NEXMIF: variants seen among roughly 807,000 people sequenced by gnomAD.
NEXMIF encodes XLMR protein related to neurite extension.
A neutral mutation model predicts 62.1 loss-of-function variants in NEXMIF; 8 were observed. That is an observed-to-expected ratio of 0.13 (90% CI 0.08 to 0.23). The LOEUF is 0.23. Among genes scored for constraint, NEXMIF ranks in the 10% least tolerant of loss-of-function variants. The probability of loss-of-function intolerance (pLI) is 1.00; values close to 1 mark genes in which losing one functional copy is unlikely to be tolerated. For synonymous variants in NEXMIF, 404 were observed against 416.6 expected (o/e 0.97, Z 0.37); for missense variants, 976 against 1,113.3 (o/e 0.88, Z 1.75).
intron 1 of NEXMIF, among the ~76,000 whole-genome samples, chrX:74,878,465 A>G (rs1206529576): frequency 8.9e-6 from 1 of 112,673 alleles, no homozygotes; most frequent in Non-Finnish European, 1.9e-5. Flanking sequence ...CTGCCCCCAG[A>G]GGTGGAGCCT....
rs2080088007 is a variant in NEXMIF, at chrX:74,737,315, A to G, written c.*2090T>C. The stretch of plus-strand genomic sequence containing the variant: ...AGGGACTGGCCATAGCATTTAGTAC[A>G]GCTAGCTATCAGAATAGAGAAATAG... On this transcript the variant is annotated 3_prime_UTR_variant, in exon 4 of 4. Transcript: ENST00000055682. 1 of 111,815 alleles carries G rather than the reference A, an allele frequency of 8.9e-6. No individual in the cohort carries two copies. Among genetic ancestry groups the G allele is most frequent in the Admixed American group, 9.5e-5 (1 of 10,482 alleles). The allele number at this position is 111,815 out of a possible 1,213,427, so 9.2% of individuals were successfully genotyped here.
intron 1 of NEXMIF, among the ~76,000 whole-genome samples, chrX:74,843,291 C>T (rs1200393526): frequency 9.0e-6 from 1 of 111,581 alleles, no homozygotes; most frequent in Non-Finnish European, 1.9e-5. Context: ...AGGATTGCAA[C>T]CCTTGTTTTT....
intron 1 of NEXMIF, among the ~76,000 whole-genome samples, chrX:74,869,642 C>T (rs981733439): frequency 2.7e-5 from 3 of 112,052 alleles, no homozygotes; most frequent in South Asian, 7.3e-4. Context: ...ATGCTATCAA[C>T]ATGCAGAAAT....
At chrX:74,825,310 T>C (rs1238023459) in intron 1 of NEXMIF, among the ~76,000 whole-genome samples, 1 of 111,529 alleles carries the variant, frequency 9.0e-6, no homozygotes, top group African/African-American at 3.3e-5. Context: ...GGGGTTGCGT[T>C]GTACAGTTTA....
chrX:74,873,813 T>A (rs1266277782), intron 1 of NEXMIF, among the ~76,000 whole-genome samples: 2 of 112,100 alleles, frequency 1.8e-5, no homozygotes, highest in Non-Finnish European at 3.8e-5. Flanking sequence ...TCTGTTCATG[T>A]CCTTCACCCA....
At chrX:74,789,625 C>T (rs1035346402) in intron 1 of NEXMIF, among the ~76,000 whole-genome samples, 2 of 110,924 alleles carry the variant, frequency 1.8e-5, no homozygotes, top group African/African-American at 3.3e-5. Flanking sequence ...TCCACATCCT[C>T]TCCAGCACCT....
chrX:74,857,749 T>C (rs2080540570), intron 1 of NEXMIF, among the ~76,000 whole-genome samples: 1 of 112,132 alleles, frequency 8.9e-6, no homozygotes, highest in South Asian at 3.7e-4. Flanking sequence ...ATGGCATTTC[T>C]GGACCTGCCC....
rs762023372 is a variant in NEXMIF at position 74,862,894 on chromosome X, G to A, written c.-48+61989C>T. Among the ~76,000 whole-genome samples, 12 of 111,405 alleles carry A rather than the reference G, an allele frequency of 1.1e-4. No homozygotes were observed. The East Asian group carries it at 3.4e-3, about 31-fold the overall frequency. On this transcript the variant is annotated intron_variant, in intron 1 of 3. Transcript: ENST00000055682. Reference sequence around the variant, plus strand: ...CCCATATGAAAAAGCTAGAAAGCCAGGCACAGTGGCTCATGCCTGTAATCC... The same window carrying A: ...CCCATATGAAAAAGCTAGAAAGCCAAGCACAGTGGCTCATGCCTGTAATCC...
At chrX:74,886,374 T>C (rs768184754) in intron 1 of NEXMIF, among the ~76,000 whole-genome samples, 9 of 111,713 alleles carry the variant, frequency 8.1e-5, no homozygotes, top group African/African-American at 2.6e-4. Flanking sequence ...TGTTTGCAGA[T>C]GACATGATTG....
rs374519513 is a variant in NEXMIF at position 74,921,529 on chromosome X, T to G, written c.-48+3354A>C. Among the ~76,000 whole-genome samples, 6 of 111,907 alleles carry G rather than the reference T, an allele frequency of 5.4e-5. No homozygotes were observed. In the East Asian group the frequency reaches 1.7e-3, roughly 31 times the overall value. On this transcript the variant is annotated intron_variant, in intron 1 of 3. Transcript: ENST00000055682. Reference sequence around the variant, plus strand: ...CTGGTGCTCTTTGTTTTTGTTTTTGTTTTTCTAATTCTTATGGGTACGTAG... The same window carrying G: ...CTGGTGCTCTTTGTTTTTGTTTTTGGTTTTCTAATTCTTATGGGTACGTAG...
rs377137614 is a variant in NEXMIF at position 74,850,266 on chromosome X, C to T, written c.-48+74617G>A. Among the ~76,000 whole-genome samples the T allele has an allele frequency of 1.1e-4, 12 of 112,318 alleles. No homozygotes were observed. In the East Asian group the frequency reaches 2.8e-3, roughly 26 times the overall value. On this transcript the variant is annotated intron_variant, in intron 1 of 3. Transcript: ENST00000055682. ...GACTGGCCCACCCAGCCTTCCACAG[C>T]CACTGCTAACACCAGCACAAACCAT...
At chrX:74,879,278 A>T (rs1401829712) in intron 1 of NEXMIF, among the ~76,000 whole-genome samples, 1 of 111,984 alleles carries the variant, frequency 8.9e-6, no homozygotes, top group Admixed American at 9.5e-5. Context: ...GACTGTATTG[A>T]ATAATAGCCA....
At chrX:74,893,523 G>A (rs1190808031) in intron 1 of NEXMIF, among the ~76,000 whole-genome samples, 1 of 112,131 alleles carries the variant, frequency 8.9e-6, no homozygotes, top group African/African-American at 3.2e-5. Flanking sequence ...TATTTTGTGT[G>A]CAATGTAAAA....
At chrX:74,825,307 C>T (rs765444060) in intron 1 of NEXMIF, among the ~76,000 whole-genome samples, 2 of 111,183 alleles carry the variant, frequency 1.8e-5, no homozygotes, top group East Asian at 2.8e-4. Flanking sequence ...CATGGGGTTG[C>T]GTTGTACAGT....
chrX:74,866,652 C>T (rs1458865298), intron 1 of NEXMIF, among the ~76,000 whole-genome samples: 1 of 112,375 alleles, frequency 8.9e-6, no homozygotes, highest in African/African-American at 3.2e-5. Flanking sequence ...TGGGAGGGAC[C>T]TGGTGGGACA....
chrX:74,751,474 TTC>T (rs760448452), intron 1 of NEXMIF, among the ~76,000 whole-genome samples: 2 of 110,063 alleles, frequency 1.8e-5, no homozygotes, highest in African/African-American at 6.6e-5. Flanking sequence ...TGCTTCTTTC[TTC>T]TCTCTGTCTC....
chrX:74,789,216 T>C lies in NEXMIF; in HGVS notation c.-47-43519A>G, dbSNP rs1249463545. Among the ~76,000 whole-genome samples, 337 of 101,921 alleles carry C rather than the reference T, an allele frequency of 3.3e-3. 2 individuals are homozygous for C. The highest frequency in any genetic ancestry group is 0.012 in the African/African-American group (322 of 27,940). The allele number at this position is 101,921 out of a possible 115,157, so 88.5% of individuals were successfully genotyped here. A position where few individuals can be genotyped will look rare whatever the true frequency, so the allele number is the denominator to read the frequency against. On this transcript the variant is annotated intron_variant, in intron 1 of 3. Transcript: ENST00000055682. Reference sequence around the variant, plus strand: ...TTCAATTCCCACCTATGAGTGAGAATATGCGGTGTTTGGTTTTTTGTTCTT... The same window carrying C: ...TTCAATTCCCACCTATGAGTGAGAACATGCGGTGTTTGGTTTTTTGTTCTT...
chrX:74,814,344 T>G (rs2147476200), intron 1 of NEXMIF, among the ~76,000 whole-genome samples: 1 of 111,982 alleles, frequency 8.9e-6, no homozygotes, highest in Admixed American at 9.5e-5. Context: ...ATTAACAGTG[T>G]CCCTGGAAAC....
At chrX:74,911,586 C>G (rs954736725) in intron 1 of NEXMIF, among the ~76,000 whole-genome samples, 9 of 112,078 alleles carry the variant, frequency 8.0e-5, no homozygotes, top group African/African-American at 2.9e-4. Flanking sequence ...GTTTTAAAAC[C>G]AACACCTTGG....
Sources: allele counts gnomAD v4.1 joint callset (sites outside exome capture counted in the v4.1 genomes callset), GRCh38; gene constraint gnomAD v4.1.1; transcripts MANE v1.5; gene names NCBI Gene and HGNC (gene_info 2026-07-23, HGNC 2026-07-21).